CHN2: variants seen among roughly 807,000 people sequenced by gnomAD.
The protein encoded by CHN2 is chimerin 2.
CHN2 carries 35 observed loss-of-function variants against 56.3 expected under a neutral mutation model. The ratio of observed to expected loss-of-function variants is 0.62; its 90% CI spans 0.47 to 0.82. CHN2 has a LOEUF of 0.82. CHN2 is among the 40% of genes least tolerant of loss of function. The pLI is 0.00. For synonymous variants in CHN2, 210 were observed against 212.8 expected, an observed-to-expected ratio of 0.99 and a Z score of 0.12; for missense variants, 491 against 580.5, an observed-to-expected ratio of 0.85 and a Z score of 1.58.
chr7:29,408,653 A>C (rs1233912568), intron 6 of CHN2, among the ~76,000 whole-genome samples: 1 of 152,102 alleles, frequency 6.6e-6, no homozygotes, highest in African/African-American at 2.4e-5. Flanking sequence ...GAAACAATTA[A>C]CTGAAGTGGG....
At chr7:29,326,129 ATTGTTTGT>A (rs71555797) in intron 1 of CHN2, among the ~76,000 whole-genome samples, 46,440 of 151,192 alleles carry the variant, frequency 0.31, 7,821 homozygotes, top group East Asian at 0.55. Flanking sequence ...TAGAGAAATT[ATTGTTTGT>A]TTGTTTGTTT....
At chr7:29,162,926 C>T (rs60905785) in intron 2 of CHN2, among the ~76,000 whole-genome samples, 18,704 of 152,032 alleles carry the variant, frequency 0.12, 1,300 homozygotes, top group African/African-American at 0.18. Flanking sequence ...TGTGATAAAA[C>T]GTTATAGAAA....
intron 6 of CHN2, among the ~76,000 whole-genome samples, chr7:29,439,104 C>T (rs550380386): frequency 6.6e-6 from 1 of 152,242 alleles, no homozygotes; most frequent in Non-Finnish European, 1.5e-5. Context: ...TATACCAGGC[C>T]TATTAAGGAG....
chr7:29,334,061 T>A (rs995119293), intron 1 of CHN2, among the ~76,000 whole-genome samples: 100 of 148,930 alleles, frequency 6.7e-4, no homozygotes, highest in Non-Finnish European at 1.1e-3. Context: ...TTTTTTTTTT[T>A]TTTTTTTTGA....
intron 1 of CHN2, among the ~76,000 whole-genome samples, chr7:29,309,445 C>T (rs1262744806): frequency 6.6e-6 from 1 of 152,340 alleles, no homozygotes; most frequent in Admixed American, 6.5e-5. Flanking sequence ...CTCCTCTCCT[C>T]CTACCACCTG....
chr7:29,400,954 T>C, intron 6 of CHN2, 126 bp downstream of exon 6: 1 of 917,868 alleles, frequency 1.1e-6, no homozygotes, highest in Non-Finnish European at 1.6e-6. Context: ...AACTCTAGAA[T>C]GTTAGGGCCA....
chr7:29,176,998 C>G (rs916636781), intron 2 of CHN2, among the ~76,000 whole-genome samples: 3 of 151,624 alleles, frequency 2.0e-5, no homozygotes, highest in African/African-American at 7.3e-5. Context: ...GAAAAAAAAT[C>G]ATTTAATACA....
At chr7:29,387,185 A>G (rs896173191) in intron 3 of CHN2, among the ~76,000 whole-genome samples, 14 of 151,452 alleles carry the variant, frequency 9.2e-5, no homozygotes, top group African/African-American at 3.4e-4. Context: ...TAGCCACTCA[A>G]TAAATGAGAA....
intron 3 of CHN2, among the ~76,000 whole-genome samples, chr7:29,383,379 C>T (rs961205667): frequency 3.3e-5 from 5 of 152,100 alleles, no homozygotes; most frequent in South Asian, 2.1e-4. Context: ...TGTTCCTGCT[C>T]TAGCAGTCAG....
At chr7:29,421,589 A>G (rs1283815896) in intron 6 of CHN2, among the ~76,000 whole-genome samples, 3 of 152,198 alleles carry the variant, frequency 2.0e-5, no homozygotes, top group Non-Finnish European at 1.5e-5. Context: ...TTCATCTCCA[A>G]AGGGATTCAT....
Position 29,504,849 on chromosome 7 carries a change from C to G in CHN2, c.991+28C>G, listed in dbSNP as rs1028567754. On this transcript the variant is annotated intron_variant, in intron 10 of 12. Coordinates refer to ENST00000222792, the MANE Select transcript of CHN2 (RefSeq NM_004067.4). ...AAGCTTGTACTTTCTTGAATGCCAT[C>G]TGACATCCTAACACCCTTCTCGATT... 3 of 1,495,824 alleles carry G rather than the reference C, an allele frequency of 2.0e-6. No individual in the cohort carries two copies. In the Admixed American group the frequency reaches 5.1e-5, roughly 25 times the overall value. 92.7% of individuals were successfully genotyped at this position (1,495,824 alleles called of 1,614,324 possible).
chr7:29,195,617 AGAGAGAGAGAGAGTGTGTGTGT>A (rs959087320), intron 1 of CHN2, among the ~76,000 whole-genome samples: 6 of 126,536 alleles, frequency 4.7e-5, no homozygotes, highest in African/African-American at 2.1e-4. Context: ...AGAGAGAGAG[AGAGAGAGAGAGAGTGTGTGTGT>A]GTGTGTGTGT....
chr7:29,239,691 C>T (rs1293690925), intron 1 of CHN2, among the ~76,000 whole-genome samples: 2 of 152,172 alleles, frequency 1.3e-5, no homozygotes, highest in Admixed American at 1.3e-4. Context: ...CTGATTCCTC[C>T]AGATCACATA....
At chr7:29,356,132 G>A (rs1798302013) in intron 2 of CHN2, among the ~76,000 whole-genome samples, 1 of 152,072 alleles carries the variant, frequency 6.6e-6, no homozygotes, top group African/African-American at 2.4e-5. Flanking sequence ...CCACGGCTCA[G>A]GGAGGCTAAG....
In CHN2 at chr7:29,306,717, A is replaced by G. The variant is rs1794197824; in HGVS notation, c.50-47908A>G. Among the ~76,000 whole-genome samples the G allele has an allele frequency of 2.0e-5, 3 of 152,254 alleles. No homozygotes were observed. In the South Asian group the frequency reaches 6.2e-4, roughly 31 times the overall value. On this transcript the variant is annotated intron_variant, in intron 1 of 12. Transcript: ENST00000222792. ...ATTATTTAAATGTAGCAAATCACTTAATCCAGTGTAATCAGTATGTAAGAA... is the reference window on the plus strand; with the variant it reads ...ATTATTTAAATGTAGCAAATCACTTGATCCAGTGTAATCAGTATGTAAGAA...
At chr7:29,271,105 G>A (rs1005545434) in intron 1 of CHN2, among the ~76,000 whole-genome samples, 12 of 152,120 alleles carry the variant, frequency 7.9e-5, no homozygotes, top group Non-Finnish European at 1.5e-5. Context: ...CCTTGAGGTG[G>A]GGGTGGAAGA....
intron 6 of CHN2, among the ~76,000 whole-genome samples, chr7:29,417,660 T>C (rs1803911655): frequency 1.3e-5 from 2 of 152,224 alleles, no homozygotes; most frequent in African/African-American, 4.8e-5. Flanking sequence ...CAATTTCATG[T>C]GGTTCAAACT....
rs962040836 is a variant in CHN2, at chr7:29,358,785, G to T, written c.88+4122G>T. ...AGCCTAATGATTGATTTTAAGAAGCGGTTTCTACGTTTTATTCTTGGCTGC... is the reference window on the plus strand; with the variant it reads ...AGCCTAATGATTGATTTTAAGAAGCTGTTTCTACGTTTTATTCTTGGCTGC... On this transcript the variant is annotated intron_variant, in intron 2 of 12. Transcript: ENST00000222792. 2.6e-5 allele frequency among the ~76,000 whole-genome samples: 4 copies of T among 152,044 alleles called. No homozygotes were observed. In the East Asian group the frequency reaches 5.8e-4, roughly 22 times the overall value.
chr7:29,209,282 G>A (rs1483886381), intron 1 of CHN2, among the ~76,000 whole-genome samples: 1 of 152,118 alleles, frequency 6.6e-6, no homozygotes, highest in Non-Finnish European at 1.5e-5. Context: ...AGCCCTTAGA[G>A]TCTCTAAGGC....
Sources: allele counts gnomAD v4.1 joint callset (sites outside exome capture counted in the v4.1 genomes callset), GRCh38; gene constraint gnomAD v4.1.1; transcripts MANE v1.5; gene names NCBI Gene and HGNC (gene_info 2026-07-23, HGNC 2026-07-21).